Variants in SUGP1 observed in about 807,000 individuals in gnomAD.
SUGP1 encodes the protein SURP and G-patch domain-containing protein 1.
In SUGP1, 34 loss-of-function variants were observed where a neutral mutation model predicts 76.5. The observed-to-expected ratio is 0.44, with a 90% CI of 0.34 to 0.59. SUGP1 has a LOEUF of 0.59. SUGP1 is among the 20% of genes least tolerant of loss of function. The probability of loss-of-function intolerance (pLI) is 0.01; values close to 1 mark genes in which losing one functional copy is unlikely to be tolerated. For synonymous variants in SUGP1, 326 were observed against 326.2 expected, an observed-to-expected ratio of 1.00 and a Z score of 0.01; for missense variants, 752 against 851.7, an observed-to-expected ratio of 0.88 and a Z score of 1.46.
At chr19:19,297,852 G>C (rs1283323387) in intron 7 of SUGP1, among the ~76,000 whole-genome samples, 1 of 152,324 alleles carries the variant, frequency 6.6e-6, no homozygotes, top group South Asian at 2.1e-4. Context: ...AGGGAAGTGT[G>C]GCTTCCAGTG....
Position 19,303,733 on chromosome 19 carries a change from G to C in SUGP1, c.653C>G (p.Pro218Arg). 6.2e-7 allele frequency: 1 copy of C among 1,614,196 alleles called. No individual in the cohort carries two copies. Among genetic ancestry groups the C allele is most frequent in the Non-Finnish European group, 8.5e-7 (1 of 1,180,038 alleles). Reference protein sequence around the residue: ...KVAMEDYKDNPAFAFLHDKNS... With the variant: ...KVAMEDYKDNRAFAFLHDKNS... Reference sequence around the variant, plus strand: ...CCCCGGAGATACTCACGCAAATGCTGGGTTATCCTTGTAGTCCTCCATAGC... The same window carrying C: ...CCCCGGAGATACTCACGCAAATGCTCGGTTATCCTTGTAGTCCTCCATAGC... The change falls in exon 5 of 14, where the codon CCA becomes CGA. Residue 218 changes from proline (P) to arginine (R), a missense_variant. Around this residue, in one of 2 missense-constraint regions of SUGP1, gnomAD observed 620 missense variants for 617.3 expected, o/e 1.00. Coordinates refer to ENST00000247001, the MANE Select transcript of SUGP1 (RefSeq NM_172231.4).
At chr19:19,303,540 C>G in intron 5 of SUGP1, 92 bp from the exon 6 acceptor site, 1 of 1,399,302 alleles carries the variant, frequency 7.1e-7, no homozygotes, top group Middle Eastern at 1.8e-4. Context: ...AAAAGGCAGG[C>G]TGGCGAGCAG....
chr19:19,280,353 G>A (rs928782319), intron 8 of SUGP1, 62 bp from the exon 9 acceptor site: 6 of 1,425,860 alleles, frequency 4.2e-6, no homozygotes, highest in African/African-American at 2.8e-5. Flanking sequence ...TCGCTCCTGC[G>A]CTGGGGTGTG....
At chr19:19,305,537 C>G (rs2061309442) in intron 4 of SUGP1, 1 of 263,698 alleles carries the variant, frequency 3.8e-6, no homozygotes, top group African/African-American at 2.2e-5. Flanking sequence ...TGAGGATGCC[C>G]TTTTGGAGCA....
At chr19:19,310,248 G>C in intron 2 of SUGP1, 48 bp from the exon 3 acceptor site, 6 of 1,434,756 alleles carry the variant, frequency 4.2e-6, no homozygotes, top group Non-Finnish European at 5.9e-6. Flanking sequence ...TAGAGATGGA[G>C]TGAGGGCACC....
chr19:19,287,710 GAAAAT>G (rs1180334256), intron 8 of SUGP1, among the ~76,000 whole-genome samples: 2 of 152,328 alleles, frequency 1.3e-5, no homozygotes, highest in African/African-American at 4.8e-5. Flanking sequence ...CACCAGAAAA[GAAAAT>G]GACAATCTGG....
rs571747108 is a variant in SUGP1, at chr19:19,297,319, C to T, written c.913G>A (p.Gly305Arg). 7.5e-5 allele frequency: 115 copies of T among 1,523,986 alleles called. 1 individual carries two copies. The highest frequency in any genetic ancestry group is 3.4e-4 in the Admixed American group (16 of 47,692). The allele number at this position is 1,523,986 out of a possible 1,614,324, so 94.4% of individuals were successfully genotyped here. The part of the protein sequence containing the change: ...FSFLYEPNSQ[G>R]YKYYRQKLEE... ...AGCTTCTGTCGGTAGTACTTGTACC[C>T]TTGGCTATTGGGCTCATACAGAAAG... Residue 305 changes from glycine (G) to arginine (R), a missense_variant, in exon 8 of 14, where the codon GGG becomes AGG. Physicochemically the swap from Gly to Arg is moderately radical, Grantham distance 125. Transcript: ENST00000247001.
intron 8 of SUGP1, among the ~76,000 whole-genome samples, chr19:19,282,436 T>C (rs2146593658): frequency 6.8e-6 from 1 of 146,842 alleles, no homozygotes. Context: ...CCATCTCTAT[T>C]TATGTTAAAA....
At chr19:19,280,390 T>C in intron 8 of SUGP1, 99 bp from the exon 9 acceptor site, 2 of 1,055,138 alleles carry the variant, frequency 1.9e-6, no homozygotes, top group Non-Finnish European at 2.9e-6. Context: ...TTCATGACAC[T>C]CCAGGCACAC....
chr19:19,304,018 C>A (rs778993721), intron 4 of SUGP1, 171 bp from the exon 5 acceptor site: 44 of 1,586,418 alleles, frequency 2.8e-5, no homozygotes, highest in Middle Eastern at 1.7e-4. Context: ...AGGGGGGAGT[C>A]GGTCTCACTG....
chr19:19,309,836 C>T (rs953439715), intron 3 of SUGP1, among the ~76,000 whole-genome samples: 1 of 152,166 alleles, frequency 6.6e-6, no homozygotes, highest in African/African-American at 2.4e-5. Context: ...GGGGTGAACC[C>T]GGGAGGCGGA....
chr19:19,310,066 C>A (rs1394420356), intron 3 of SUGP1, 31 bp downstream of exon 3: 1 of 1,575,486 alleles, frequency 6.3e-7, no homozygotes, highest in Non-Finnish European at 8.7e-7. Flanking sequence ...GATGCAAGGA[C>A]AGCACAAGGA....
intron 3 of SUGP1, among the ~76,000 whole-genome samples, 190 bp downstream of exon 3, chr19:19,309,907 G>A (rs764989926): frequency 5.3e-5 from 8 of 152,168 alleles, no homozygotes; most frequent in Middle Eastern, 3.4e-3. Flanking sequence ...GCGAGACTCC[G>A]TCTCAAAAAA....
chr19:19,304,947 G>A (rs2061304950), intron 4 of SUGP1, among the ~76,000 whole-genome samples: 1 of 152,170 alleles, frequency 6.6e-6, no homozygotes, highest in Non-Finnish European at 1.5e-5. Context: ...GAACAGGTGC[G>A]TTTCTGAGGC....
intron 5 of SUGP1, 62 bp from the exon 6 acceptor site, chr19:19,303,510 T>G (rs1313981799): frequency 6.7e-7 from 1 of 1,496,928 alleles, no homozygotes; most frequent in Non-Finnish European, 9.3e-7. Context: ...GGCATATCCC[T>G]GCAGCTTCTA....
At chr19:19,277,262 G>T (rs12981974) in intron 12 of SUGP1, among the ~76,000 whole-genome samples, 186 bp from the exon 13 acceptor site, 51 of 148,994 alleles carry the variant, frequency 3.4e-4, no homozygotes, top group African/African-American at 1.0e-3. Context: ...GGGGGGGGGG[G>T]GCCTAGGCCC....
At chr19:19,301,106 T>A (rs779467433) in intron 7 of SUGP1, among the ~76,000 whole-genome samples, 5 of 152,156 alleles carry the variant, frequency 3.3e-5, no homozygotes, top group Non-Finnish European at 7.4e-5. Context: ...AGTGGACTAG[T>A]GATCCAACCC....
rs1192437542 is a variant in SUGP1, at chr19:19,318,113, C to CT, written c.35-1521dup. 9.3e-3 allele frequency among the ~76,000 whole-genome samples: 910 copies of CT among 97,670 alleles called. 12 individuals carry two copies. Among genetic ancestry groups the CT allele is most frequent in the South Asian group, 0.03 (87 of 2,872 alleles). The allele number at this position is 97,670 out of a possible 152,430, so 64.1% of individuals were successfully genotyped here. On this transcript the variant is annotated intron_variant, in intron 1 of 13. Coordinates refer to ENST00000247001, the MANE Select transcript of SUGP1 (RefSeq NM_172231.4). ...GGCGTGAGCCACCGAACCCAGCCTT[C>CT]TTTTTTTTTTTTTTTTTTTTTGAGA...
intron 10 of SUGP1, among the ~76,000 whole-genome samples, 185 bp from the exon 11 acceptor site, chr19:19,278,981 T>A (rs1466748600): frequency 6.6e-6 from 1 of 152,056 alleles, no homozygotes; most frequent in East Asian, 1.9e-4. Flanking sequence ...TAGTGAACCC[T>A]GTGCAGCTCT....
Sources: gnomAD v4.1 joint callset for allele counts (sites outside exome capture counted in the v4.1 genomes callset) on GRCh38, gnomAD v4.1.1 for gene constraint, gnomAD v4.1.1 regional missense constraint, MANE v1.5 for transcripts, NCBI Gene and HGNC (gene_info 2026-07-23, HGNC 2026-07-21) for gene names.